CSMD3: variants seen among roughly 807,000 people sequenced by gnomAD.
The protein encoded by CSMD3 is CUB and Sushi multiple domains 3.
CSMD3 carries 177 observed loss-of-function variants against 435.2 expected under a neutral mutation model. The observed-to-expected ratio is 0.41, with a 90% CI of 0.36 to 0.46. The LOEUF (loss-of-function observed/expected upper bound fraction) is 0.46. Among genes scored for constraint, CSMD3 ranks in the 20% least tolerant of loss-of-function variants. CSMD3 has a pLI of 0.34. For missense variants in CSMD3, 4,265 were observed against 4,504.6 expected (o/e 0.95, Z 1.52); for synonymous variants, 1,656 against 1,520.5 (o/e 1.09, Z -2.07).
chr8:113,194,221 T>A lies in CSMD3; in HGVS notation c.515-20305A>T, dbSNP rs535878302. On this transcript the variant is annotated intron_variant, in intron 3 of 70. Transcript: ENST00000297405. ...ACTAAAAACTTAATTACTCTGTAAT[T>A]ATAGACAAAACTACATAGTGAAATA... is the stretch of plus-strand genomic sequence containing the variant. 9.2e-5 allele frequency among the ~76,000 whole-genome samples: 14 copies of A among 151,408 alleles called. No individual in the cohort carries two copies. In the East Asian group the frequency reaches 1.8e-3, roughly 19 times the overall value.
In CSMD3 at chr8:113,314,312, A is replaced by C. The variant is rs1023030327; in HGVS notation, c.401+259T>G. The stretch of plus-strand genomic sequence containing the variant: ...AGATAATCATTTTTAAAAACAAAAT[A>C]CCTTTAGCCACTATAAAGAGATCAC... On this transcript the variant is annotated intron_variant, in intron 2 of 70. Transcript: ENST00000297405. 55 of 398,678 alleles carry C rather than the reference A, an allele frequency of 1.4e-4. No homozygotes were observed. The Middle Eastern group carries it at 2.1e-3, about 15-fold the overall frequency. The allele number at this position is 398,678 out of a possible 1,614,324, so 24.7% of individuals were successfully genotyped here.
intron 2 of CSMD3, among the ~76,000 whole-genome samples, chr8:113,292,706 A>C (rs1435117038): frequency 6.6e-6 from 1 of 151,890 alleles, no homozygotes; most frequent in African/African-American, 2.4e-5. Context: ...AGTTATATTA[A>C]CAGTTGCCAG....
chr8:112,728,621 C>G (rs904437476), intron 13 of CSMD3, among the ~76,000 whole-genome samples: 6 of 151,918 alleles, frequency 3.9e-5, no homozygotes, highest in Non-Finnish European at 8.8e-5. Flanking sequence ...TTCTCCTCCT[C>G]CCATAATGTA....
chr8:112,399,691 A>G (rs1339925242), intron 35 of CSMD3, among the ~76,000 whole-genome samples: 1 of 152,206 alleles, frequency 6.6e-6, no homozygotes, highest in African/African-American at 2.4e-5. Context: ...TACCTTCTAG[A>G]AAACTCCAGA....
chr8:113,210,045 T>TGTGA (rs1491306465), intron 3 of CSMD3, among the ~76,000 whole-genome samples: 11 of 103,466 alleles, frequency 1.1e-4, no homozygotes, highest in South Asian at 5.9e-4. Flanking sequence ...TGTGTGTGTG[T>TGTGA]GATACACAGT....
chr8:112,478,690 G>C (rs1051385685), intron 31 of CSMD3, among the ~76,000 whole-genome samples: 1 of 152,084 alleles, frequency 6.6e-6, no homozygotes, highest in Non-Finnish European at 1.5e-5. Context: ...AGAAGATAGG[G>C]GTGGGTCCGT....
chr8:112,471,394 T>C (rs953786175), intron 32 of CSMD3, among the ~76,000 whole-genome samples: 1 of 152,200 alleles, frequency 6.6e-6, no homozygotes, highest in African/African-American at 2.4e-5. Flanking sequence ...ATATTTTTCT[T>C]TCTAAACTGT....
At chr8:113,014,083 A>T (rs1203852542) in intron 6 of CSMD3, among the ~76,000 whole-genome samples, 1 of 152,126 alleles carries the variant, frequency 6.6e-6, no homozygotes, top group Non-Finnish European at 1.5e-5. Context: ...GGCATGGGTC[A>T]TCCATTTTGT....
intron 6 of CSMD3, among the ~76,000 whole-genome samples, chr8:113,016,629 C>A (rs890697072): frequency 6.6e-6 from 1 of 151,664 alleles, no homozygotes; most frequent in African/African-American, 2.4e-5. Flanking sequence ...ACTGAGTACT[C>A]GGTAAATATA....
chr8:113,317,970 A>G (rs752930225), intron 1 of CSMD3, among the ~76,000 whole-genome samples: 31 of 152,174 alleles, frequency 2.0e-4, no homozygotes, highest in Non-Finnish European at 4.1e-4. Flanking sequence ...AATTTATTTT[A>G]CCATTCTCCT....
At chr8:112,712,539 C>G (rs994516443) in intron 13 of CSMD3, among the ~76,000 whole-genome samples, 5 of 152,072 alleles carry the variant, frequency 3.3e-5, no homozygotes, top group African/African-American at 1.2e-4. Flanking sequence ...ATTTTACTGT[C>G]ACTGCTGATG....
At chr8:112,286,411 G>A (rs1240279506) in intron 58 of CSMD3, among the ~76,000 whole-genome samples, 1 of 152,048 alleles carries the variant, frequency 6.6e-6, no homozygotes, top group Non-Finnish European at 1.5e-5. Flanking sequence ...GTCCCACATG[G>A]AAAGTGAATC....
chr8:113,293,358 T>C (rs764450605), intron 2 of CSMD3, among the ~76,000 whole-genome samples: 62 of 152,102 alleles, frequency 4.1e-4, no homozygotes, highest in Non-Finnish European at 3.2e-4. Flanking sequence ...CTATTATTTC[T>C]CCTTTCTCTC....
chr8:113,297,165 G>T (rs2093728975), intron 2 of CSMD3, among the ~76,000 whole-genome samples: 1 of 152,018 alleles, frequency 6.6e-6, no homozygotes, highest in Non-Finnish European at 1.5e-5. Context: ...CTAAAGAAAA[G>T]AATTTCCACG....
chr8:113,289,075 T>C (rs1300674887), intron 2 of CSMD3, among the ~76,000 whole-genome samples: 3 of 151,892 alleles, frequency 2.0e-5, no homozygotes, highest in African/African-American at 7.2e-5. Flanking sequence ...TTGTGTGACA[T>C]TGGGCAGGTT....
At chr8:112,484,111 A>G (rs1267739249) in intron 31 of CSMD3, among the ~76,000 whole-genome samples, 1 of 152,206 alleles carries the variant, frequency 6.6e-6, no homozygotes, top group Admixed American at 6.5e-5. Flanking sequence ...AAAGAAGAGA[A>G]TGTGACTCAT....
At chr8:112,268,056 A>T (rs1288122507) in intron 59 of CSMD3, among the ~76,000 whole-genome samples, 1 of 152,220 alleles carries the variant, frequency 6.6e-6, no homozygotes, top group Non-Finnish European at 1.5e-5. Context: ...ACCATTGCAT[A>T]ATAAGAAGAT....
At chr8:112,557,722 C>T (rs572608548) in intron 24 of CSMD3, among the ~76,000 whole-genome samples, 1 of 152,062 alleles carries the variant, frequency 6.6e-6, no homozygotes, top group East Asian at 1.9e-4. Flanking sequence ...AGCTCCTGCA[C>T]TTGGGACCCT....
At chr8:113,328,719 T>C (rs762821468) in intron 1 of CSMD3, among the ~76,000 whole-genome samples, 56 of 145,462 alleles carry the variant, frequency 3.8e-4, no homozygotes, top group Non-Finnish European at 6.1e-4. Context: ...TCTTTCTTTC[T>C]TTCCTTCCTT....
Sources: allele counts gnomAD v4.1 joint callset (sites outside exome capture counted in the v4.1 genomes callset), GRCh38; gene constraint gnomAD v4.1.1; transcripts MANE v1.5; gene names NCBI Gene and HGNC (gene_info 2026-07-23, HGNC 2026-07-21).